KCNN1: variants seen among roughly 807,000 people sequenced by gnomAD.
KCNN1 encodes the protein potassium calcium-activated channel subfamily N member 1.
Under a neutral mutation model 44.7 loss-of-function variants are expected in KCNN1, and 20 were observed. That is an observed-to-expected ratio of 0.45 (90% confidence interval 0.32 to 0.65). The LOEUF (loss-of-function observed/expected upper bound fraction) is 0.65. Ranked by LOEUF, KCNN1 falls within the 30% of genes least tolerant of loss-of-function variation. KCNN1 has a pLI of 0.05. For synonymous variants in KCNN1, 324 were observed against 341.7 expected, an observed-to-expected ratio of 0.95 and a Z score of 0.57; for missense variants, 632 against 785.3, an observed-to-expected ratio of 0.80 and a Z score of 2.33.
intron 9 of KCNN1, among the ~76,000 whole-genome samples, chr19:17,996,229 C>T (rs2032989017): frequency 6.6e-6 from 1 of 151,342 alleles, no homozygotes; most frequent in East Asian, 1.9e-4. Flanking sequence ...TCACTTGAGC[C>T]TGGGAGGTAA....
At chr19:17,985,889 AT>A (rs2032578206) in intron 5 of KCNN1, among the ~76,000 whole-genome samples, 1 of 152,212 alleles carries the variant, frequency 6.6e-6, no homozygotes, top group Admixed American at 6.5e-5. Flanking sequence ...TAAGTCGGTT[AT>A]TTATGTGAGA....
intron 3 of KCNN1, among the ~76,000 whole-genome samples, chr19:17,979,541 AG>A (rs1361076179): frequency 3.1e-4 from 7 of 22,826 alleles, no homozygotes; most frequent in Non-Finnish European, 4.4e-4. Context: ...GGGGTGGGGG[AG>A]GGGGCGTGGC....
intron 9 of KCNN1, among the ~76,000 whole-genome samples, chr19:17,997,176 G>A (rs906821438): frequency 3.3e-5 from 5 of 152,188 alleles, no homozygotes; most frequent in Non-Finnish European, 7.4e-5. Flanking sequence ...TTCCCAGTCT[G>A]TGATTGCGTC....
At chr19:17,961,199 A>AC (rs926941175) in intron 2 of KCNN1, among the ~76,000 whole-genome samples, 3 of 149,202 alleles carry the variant, frequency 2.0e-5, no homozygotes, top group African/African-American at 7.5e-5. Flanking sequence ...AAAAAAAAAA[A>AC]AAAAAAACCC....
At position 17,975,204 on chromosome 19, in the gene KCNN1, G is replaced by A. The variant is rs2032166545; in HGVS notation, c.498+17G>A. On this transcript the variant is annotated intron_variant, in intron 3 of 9. Coordinates refer to ENST00000684775, the MANE Select transcript of KCNN1 (RefSeq NM_001386974.1). ...GAGATCCAGGTCAGTGCTGAATACT[G>A]CAGGAAGCAGCTCCTCTCCTCAAAC... 1 of 1,583,494 alleles carries A rather than the reference G, an allele frequency of 6.3e-7. No individual in the cohort carries two copies. The highest frequency in any genetic ancestry group is 1.3e-5 in the African/African-American group (1 of 74,338).
At chr19:17,962,257 A>T (rs2031699380), upstream of KCNN1, among the ~76,000 whole-genome samples, 1 of 152,052 alleles carries the variant, frequency 6.6e-6, no homozygotes, top group Non-Finnish European at 1.5e-5. Context: ...CTTGCTTATG[A>T]TGGAGCTGCT....
chr19:17,973,921 G>T lies in KCNN1; in HGVS notation c.33G>T (p.Gly11=). Residue 11 remains glycine, a synonymous_variant, in exon 2 of 10, where the codon GGG becomes GGT. Coordinates refer to ENST00000684775, the MANE Select transcript of KCNN1 (RefSeq NM_001386974.1). MNSHSYNGSV[G]RPLGSGPGAL... is the part of the protein sequence containing the mutation. ...GCCACAGCTACAATGGCAGCGTGGG[G>T]CGGCCGCTGGGCAGCGGGCCGGGCG... The T allele has an allele frequency of 6.4e-7, 1 of 1,554,582 alleles. No individual in the cohort carries two copies. The highest frequency in any genetic ancestry group is 1.2e-5 in the South Asian group (1 of 84,916).
chr19:17,977,398 G>T (rs901872569), intron 3 of KCNN1, among the ~76,000 whole-genome samples: 3 of 151,300 alleles, frequency 2.0e-5, no homozygotes, highest in African/African-American at 7.3e-5. Context: ...CTGGAATGCC[G>T]TGGCTTGATC....
At chr19:17,963,725 C>CTTTTT (rs147435448), upstream of KCNN1, among the ~76,000 whole-genome samples, 1 of 139,752 alleles carries the variant, frequency 7.2e-6, no homozygotes, top group African/African-American at 2.7e-5. Context: ...ACTTCTGATA[C>CTTTTT]TTTTTTTTTT....
chr19:17,973,616 G>C (rs2032099099), intron 1 of KCNN1, among the ~76,000 whole-genome samples, 192 bp from the exon 2 acceptor site: 1 of 152,164 alleles, frequency 6.6e-6, no homozygotes, highest in Non-Finnish European at 1.5e-5. Context: ...GATGGCACTG[G>C]GGAGCCATGG....
rs559796521 is a variant in KCNN1 at position 17,999,954 on chromosome 19, C to T, written c.*1548C>T. The T allele has an allele frequency of 2.3e-3, 1,051 of 455,856 alleles. 14 individuals are homozygous for T. The highest frequency in any genetic ancestry group is 0.019 in the African/African-American group (964 of 50,184). 28.2% of individuals were successfully genotyped at this position (455,856 alleles called of 1,614,324 possible). The stretch of plus-strand genomic sequence containing the variant: ...GCTGGGTGACTCTGAGCAGTGGCTG[C>T]CCCTCTGGGGCCTTGGTTGTTTCAT... On this transcript the variant is annotated 3_prime_UTR_variant, in exon 10 of 10. Transcript: ENST00000684775.
rs923395489 is a variant in KCNN1 at position 17,990,061 on chromosome 19, G to T, written c.1298+218G>T. The T allele has an allele frequency of 1.7e-5, 12 of 701,402 alleles. No homozygotes were observed. The Admixed American group carries it at 1.8e-4, about 11-fold the overall frequency. 43.4% of individuals were successfully genotyped at this position (701,402 alleles called of 1,614,324 possible). A position where few individuals can be genotyped will look rare whatever the true frequency, so the allele number is the denominator to read the frequency against. ...GACACGACTCAGTAAGTGGCAGGAT[G>T]TATATTTTATTCTCTGGAATAACCA... On this transcript the variant is annotated intron_variant, in intron 7 of 9. Coordinates refer to ENST00000684775, the MANE Select transcript of KCNN1 (RefSeq NM_001386974.1).
intron 5 of KCNN1, among the ~76,000 whole-genome samples, chr19:17,987,836 C>CAAA (rs973068020): frequency 7.3e-5 from 4 of 54,554 alleles, no homozygotes; most frequent in Admixed American, 2.2e-4. Context: ...ATATCGCTAC[C>CAAA]AAAAAAAAAA....
At chr19:17,975,294 T>A in intron 3 of KCNN1, 107 bp downstream of exon 3, 3 of 732,756 alleles carry the variant, frequency 4.1e-6, no homozygotes, top group Non-Finnish European at 6.9e-6. Context: ...GGATGTATAA[T>A]TGGCTTCTGA....
intron 1 of KCNN1, among the ~76,000 whole-genome samples, chr19:17,967,743 T>TC (rs1442773635): frequency 6.6e-6 from 1 of 151,802 alleles, no homozygotes; most frequent in African/African-American, 2.4e-5. Flanking sequence ...CTTCCATCTC[T>TC]CCCCGGACAG....
In KCNN1 at chr19:17,979,112, A is replaced by G. The variant is rs556664177; in HGVS notation, c.499-2597A>G. 2.5e-3 allele frequency among the ~76,000 whole-genome samples: 369 copies of G among 148,216 alleles called. 1 individual carries two copies. Among genetic ancestry groups the G allele is most frequent in the Non-Finnish European group, 3.7e-3 (251 of 67,136 alleles). On this transcript the variant is annotated intron_variant, in intron 3 of 9. Transcript: ENST00000684775. ...AAACAACAAAATGGAGGCAGTATGG[A>G]CAGTAACATAGCAAGACCCCTTCCT...
chr19:17,998,933 GACA>G lies in KCNN1; in HGVS notation c.*528_*530del. On this transcript the variant is annotated 3_prime_UTR_variant, in exon 10 of 10. Transcript: ENST00000684775. The surrounding 1 kb of genome is among the most constrained non-coding windows in gnomAD (Gnocchi z 5.4). ...CCCCACCTGGCGCTGAGATCCCTCAGACAGCATGGCCCAGCCCTGGCCAGAAGC... is the reference window on the plus strand; with the variant it reads ...CCCCACCTGGCGCTGAGATCCCTCAGGCATGGCCCAGCCCTGGCCAGAAGC... 6.5e-6 allele frequency: 1 copy of G among 152,852 alleles called. No individual in the cohort carries two copies. The highest frequency in any genetic ancestry group is 2.4e-5 in the African/African-American group (1 of 41,590). 9.5% of individuals were successfully genotyped at this position (152,852 alleles called of 1,614,324 possible). A position where few individuals can be genotyped will look rare whatever the true frequency, so the allele number is the denominator to read the frequency against.
chr19:17,979,705 G>A (rs1281484959), intron 3 of KCNN1, among the ~76,000 whole-genome samples: 1 of 152,098 alleles, frequency 6.6e-6, no homozygotes, highest in Non-Finnish European at 1.5e-5. Flanking sequence ...GAGCAATGGC[G>A]CTGTAGGGTG....
At chr19:17,996,103 G>T (rs2032978658) in intron 9 of KCNN1, among the ~76,000 whole-genome samples, 1 of 151,332 alleles carries the variant, frequency 6.6e-6, no homozygotes, top group Non-Finnish European at 1.5e-5. Flanking sequence ...GTTGAGGAGG[G>T]GGGATCACTT....
Sources: allele counts gnomAD v4.1 joint callset (sites outside exome capture counted in the v4.1 genomes callset), GRCh38; gene constraint gnomAD v4.1.1; non-coding constraint Gnocchi (gnomAD v3.1); transcripts MANE v1.5; gene names NCBI Gene and HGNC (gene_info 2026-07-23, HGNC 2026-07-21).